Variants in AANAT observed in about 807,000 individuals in gnomAD.
AANAT encodes serotonin N-acetyltransferase.
Under a neutral mutation model 15.6 loss-of-function variants are expected in AANAT, and 11 were observed. That is an observed-to-expected ratio of 0.71 (90% CI 0.44 to 1.17). AANAT has a LOEUF of 1.17. Among genes scored for constraint, AANAT ranks in the 50% most tolerant of loss-of-function variants. AANAT has a pLI of 0.00. For synonymous variants in AANAT, 139 were observed against 131.5 expected, an observed-to-expected ratio of 1.06 and a Z score of -0.39; for missense variants, 286 against 296.3, an observed-to-expected ratio of 0.97 and a Z score of 0.26.
chr17:76,463,143 C>T (rs1227100179), upstream of AANAT, among the ~76,000 whole-genome samples: 2 of 152,068 alleles, frequency 1.3e-5, no homozygotes, highest in Non-Finnish European at 2.9e-5. Context: ...GCTCGGTGCC[C>T]GGGATGGGGT....
intron 1 of AANAT, among the ~76,000 whole-genome samples, chr17:76,454,909 C>T (rs1035815696): frequency 6.6e-6 from 1 of 151,952 alleles, no homozygotes; most frequent in African/African-American, 2.4e-5. Context: ...GGTGGGAGAC[C>T]CGAGGTCAGG....
chr17:76,458,312 G>A (rs1598635602), intron 1 of AANAT, among the ~76,000 whole-genome samples: 1 of 152,152 alleles, frequency 6.6e-6, no homozygotes, highest in East Asian at 1.9e-4. Flanking sequence ...TAAGGTTTGA[G>A]GCTTGACTCC....
chr17:76,454,105 C>T (rs895986496), intron 1 of AANAT, among the ~76,000 whole-genome samples: 4 of 152,232 alleles, frequency 2.6e-5, no homozygotes, highest in Non-Finnish European at 1.5e-5. Flanking sequence ...CATTGTTGTA[C>T]TATTTCCAAA....
upstream of AANAT, among the ~76,000 whole-genome samples, chr17:76,462,637 C>T (rs755214747): frequency 3.3e-5 from 5 of 152,144 alleles, no homozygotes; most frequent in South Asian, 2.1e-4. Flanking sequence ...ATAAACTTGC[C>T]GCACACAGTT....
exon 3 of AANAT, chr17:76,462,412 G>A (rs2143968216): frequency 6.6e-6 from 1 of 152,368 alleles, no homozygotes; most frequent in Middle Eastern, 3.4e-3. Flanking sequence ...ACGGCTCCCA[G>A]CTGGATTTTC....
At chr17:76,459,816 G>C (rs923646201) in intron 2 of AANAT, among the ~76,000 whole-genome samples, 1 of 152,342 alleles carries the variant, frequency 6.6e-6, no homozygotes, top group East Asian at 1.9e-4. Context: ...TGCCCAGTGA[G>C]TGCATGATGG....
rs578059167 is a variant in AANAT at position 76,467,657 on chromosome 17, G to A, written c.-146G>A. 6.3e-5 allele frequency: 62 copies of A among 985,558 alleles called. No homozygotes were observed. In the South Asian group the frequency reaches 2.0e-3, roughly 31 times the overall value. 61.1% of individuals were successfully genotyped at this position (985,558 alleles called of 1,614,324 possible). On this transcript the variant is annotated 5_prime_UTR_variant, in exon 1 of 4. It adds an upstream start codon to the 5' untranslated region. Coordinates refer to ENST00000392492, the MANE Select transcript of AANAT (RefSeq NM_001088.3). ...GGAGTCCCGGATTTTACTGGTTCCC[G>A]TGCCTGCGGACAGGCCCCCAGGGCT... is the stretch of plus-strand genomic sequence containing the variant.
At chr17:76,464,291 G>A (rs1387244193), upstream of AANAT, among the ~76,000 whole-genome samples, 2 of 150,866 alleles carry the variant, frequency 1.3e-5, no homozygotes, top group Admixed American at 6.6e-5. Context: ...GCAGTGAGCC[G>A]AGATTGTGCC....
At chr17:76,463,579 AT>A (rs765250472), upstream of AANAT, among the ~76,000 whole-genome samples, 2 of 152,052 alleles carry the variant, frequency 1.3e-5, no homozygotes, top group Non-Finnish European at 2.9e-5. Context: ...AAGTGCTGGG[AT>A]TACAGGTGTG....
upstream of AANAT, among the ~76,000 whole-genome samples, chr17:76,462,638 G>A (rs981768131): frequency 3.3e-5 from 5 of 152,206 alleles, no homozygotes; most frequent in East Asian, 3.9e-4. Context: ...TAAACTTGCC[G>A]CACACAGTTC....
chr17:76,460,043 A>G (rs1598636214), intron 2 of AANAT, among the ~76,000 whole-genome samples: 1 of 151,226 alleles, frequency 6.6e-6, no homozygotes, highest in Non-Finnish European at 1.5e-5. Context: ...CCTTTCATAA[A>G]CTGATCTGAT....
chr17:76,456,538 G>GGCAA (rs1211891427), intron 1 of AANAT, among the ~76,000 whole-genome samples: 1 of 152,034 alleles, frequency 6.6e-6, no homozygotes, highest in Non-Finnish European at 1.5e-5. Flanking sequence ...ATGATTTTGG[G>GGCAA]GCAAGGCTGG....
chr17:76,453,728 C>G (rs1035951342), exon 1 of AANAT: 1 of 152,254 alleles, frequency 6.6e-6, no homozygotes, highest in African/African-American at 2.4e-5. Flanking sequence ...GCAGTTCGAA[C>G]GTCATGACCC....
chr17:76,455,279 C>T (rs2073333268), intron 1 of AANAT, among the ~76,000 whole-genome samples: 1 of 152,050 alleles, frequency 6.6e-6, no homozygotes, highest in Non-Finnish European at 1.5e-5. Context: ...TGGCAAAACC[C>T]CATGTCTACT....
In AANAT at chr17:76,469,344, G is replaced by A. The variant is rs761436653; in HGVS notation, c.318+17G>A. Reference sequence around the variant, plus strand: ...CTCATGCAGGTGAGGACAGGGCTGCGACGCCCAGCTCCAGGGAGGCCTCTG... The same window carrying A: ...CTCATGCAGGTGAGGACAGGGCTGCAACGCCCAGCTCCAGGGAGGCCTCTG... On this transcript the variant is annotated intron_variant, in intron 3 of 3. Transcript: ENST00000392492. The surrounding 1 kb of genome is among the most constrained non-coding windows in gnomAD (Gnocchi z 5.2). 9.3e-6 allele frequency: 15 copies of A among 1,613,162 alleles called. No homozygotes were observed. Among genetic ancestry groups the A allele is most frequent in the East Asian group, 4.5e-5 (2 of 44,894 alleles).
rs1272675063 is a variant in AANAT, at chr17:76,469,042, G to C, written c.164-131G>C. On this transcript the variant is annotated intron_variant, in intron 2 of 3. Transcript: ENST00000392492. The surrounding 1 kb of genome is among the most constrained non-coding windows in gnomAD (Gnocchi z 5.2). Reference sequence around the variant, plus strand: ...AGACCATGTGTGCGCTCAAGAAAGTGGGGGAAACAGCAGCCCTAACCCCCA... The same window carrying C: ...AGACCATGTGTGCGCTCAAGAAAGTCGGGGAAACAGCAGCCCTAACCCCCA... The C allele has an allele frequency of 8.0e-6, 12 of 1,493,546 alleles. No individual in the cohort carries two copies. Among genetic ancestry groups the C allele is most frequent in the Admixed American group, 5.5e-5 (3 of 54,786 alleles). The allele number at this position is 1,493,546 out of a possible 1,614,324, so 92.5% of individuals were successfully genotyped here.
At chr17:76,462,604 G>A (rs903127313), upstream of AANAT, 1 of 152,408 alleles carries the variant, frequency 6.6e-6, no homozygotes, top group Non-Finnish European at 1.5e-5. Flanking sequence ...CATGGTAGGG[G>A]TCGCTCATGA....
chr17:76,461,628 AAAGG>A (rs1192129161), intron 2 of AANAT, among the ~76,000 whole-genome samples: 25 of 148,616 alleles, frequency 1.7e-4, no homozygotes, highest in African/African-American at 3.7e-4. Flanking sequence ...AAAAAAAAAA[AAAGG>A]AAGGAAGGAA....
upstream of AANAT, chr17:76,467,597 C>A: frequency 3.0e-6 from 3 of 985,520 alleles, no homozygotes; most frequent in Non-Finnish European, 3.6e-6. Flanking sequence ...CCACAGGCTG[C>A]CCGGGGAACA....
Sources: allele counts gnomAD v4.1 joint callset (sites outside exome capture counted in the v4.1 genomes callset), GRCh38; gene constraint gnomAD v4.1.1; non-coding constraint Gnocchi (gnomAD v3.1); transcripts MANE v1.5; gene names NCBI Gene and HGNC (gene_info 2026-07-23, HGNC 2026-07-21).